The following COL6A6 variants were observed in gnomAD, a reference collection of about 807,000 sequenced individuals.
COL6A6 encodes the protein collagen alpha-6(VI) chain.
COL6A6 carries 183 observed loss-of-function variants against 208.6 expected under a neutral mutation model. That is an observed-to-expected ratio of 0.88 (90% CI 0.78 to 0.99). The LOEUF (loss-of-function observed/expected upper bound fraction) is 0.99, where lower values mean the gene tolerates loss of function less well. Ranked by LOEUF, COL6A6 falls within the 50% of genes least tolerant of loss-of-function variation. COL6A6 has a pLI of 0.00. For synonymous variants in COL6A6, 973 were observed against 1,011.8 expected (o/e 0.96, Z 0.73); for missense variants, 2,816 against 2,815.2 (o/e 1.00, Z -0.01).
At chr3:130,650,610 CA>C (rs3074296) in intron 33 of COL6A6, among the ~76,000 whole-genome samples, 37 of 127,910 alleles carry the variant, frequency 2.9e-4, no homozygotes, top group East Asian at 2.2e-4. Context: ...CCTCTGTCTC[CA>C]AAAAAAAAAA....
chr3:130,602,751 CTA>C (rs1482195856), intron 20 of COL6A6, among the ~76,000 whole-genome samples: 4 of 152,082 alleles, frequency 2.6e-5, no homozygotes, highest in African/African-American at 4.8e-5. Context: ...TAATAAAACA[CTA>C]TTTAGAATTT....
intron 1 of COL6A6, among the ~76,000 whole-genome samples, chr3:130,530,964 G>A (rs1237837756): frequency 2.0e-5 from 3 of 151,418 alleles, no homozygotes; most frequent in East Asian, 1.9e-4. Context: ...TCATAATTAC[G>A]TGAACCAATT....
chr3:130,609,092 A>T (rs2064274496), intron 22 of COL6A6, 128 bp downstream of exon 22: 1 of 693,234 alleles, frequency 1.4e-6, no homozygotes, highest in Non-Finnish European at 2.5e-6. Context: ...TCATGGTAAT[A>T]AAGTAAGGAA....
chr3:130,609,081 C>T, intron 22 of COL6A6, 117 bp downstream of exon 22: 1 of 743,130 alleles, frequency 1.3e-6, no homozygotes, highest in Admixed American at 2.6e-5. Flanking sequence ...GTTTAAAGTT[C>T]TCATGGTAAT....
chr3:130,617,989 G>T (rs2064585757), intron 23 of COL6A6, among the ~76,000 whole-genome samples: 1 of 152,124 alleles, frequency 6.6e-6, no homozygotes, highest in African/African-American at 2.4e-5. Flanking sequence ...AAGCAGTTGT[G>T]GTTGCCAAGG....
At chr3:130,607,175 C>T (rs2064208619) in intron 21 of COL6A6, among the ~76,000 whole-genome samples, 1 of 152,062 alleles carries the variant, frequency 6.6e-6, no homozygotes, top group African/African-American at 2.4e-5. Flanking sequence ...AAAATAATGG[C>T]CAGAGATGTA....
At chr3:130,619,535 G>A (rs1450891440) in intron 23 of COL6A6, among the ~76,000 whole-genome samples, 1 of 152,230 alleles carries the variant, frequency 6.6e-6, no homozygotes. Context: ...ACTTTATTCT[G>A]AAAGATATTC....
intron 23 of COL6A6, among the ~76,000 whole-genome samples, chr3:130,614,221 TATATTG>T (rs2108232106): frequency 6.6e-6 from 1 of 152,226 alleles, no homozygotes; most frequent in East Asian, 1.9e-4. Flanking sequence ...AACATGAAGG[TATATTG>T]AATTGTATCA....
rs2063237995 is a variant in COL6A6 at position 130,574,190 on chromosome 3, A to G, written c.3212A>G (p.Lys1071Arg). The G allele has an allele frequency of 1.9e-6, 3 of 1,614,040 alleles. No individual in the cohort carries two copies. The East Asian group carries it at 6.7e-5, about 36-fold the overall frequency. Residue 1071 changes from lysine (K) to arginine (R), a missense_variant, in exon 8 of 37, where the codon AAG (lysine) becomes AGG (arginine). Lys to Arg is a conservative substitution (Grantham distance 26, BLOSUM62 2). Transcript: ENST00000358511. ...KEISFQIENI[K>R]QIFGNTHIGA... is the part of the protein sequence containing the mutation. ...ATATCATTTCAGATTGAAAACATCAAGCAGATCTTTGGAAACACACACATC... is the reference window on the plus strand; with the variant it reads ...ATATCATTTCAGATTGAAAACATCAGGCAGATCTTTGGAAACACACACATC...
rs200101291 is a variant in COL6A6, at chr3:130,621,874, A to G, written c.4869A>G (p.Gln1623=). Residue 1623 remains glutamine, a synonymous_variant, in exon 24 of 37, where the codon CAA becomes CAG. Transcript: ENST00000358511. ...EAGNQGRLGS[Q]GNKGEPGDLG... ...GGAATCAAGGCCGTTTGGGAAGCCA[A>G]GGAAATAAAGTAGGTCACATTCTTT... 7 of 1,613,646 alleles carry G rather than the reference A, an allele frequency of 4.3e-6. No individual in the cohort carries two copies. In the African/African-American group the frequency reaches 6.7e-5, roughly 15 times the overall value.
chr3:130,623,295 T>G (rs1262968693), intron 24 of COL6A6, among the ~76,000 whole-genome samples: 1 of 151,994 alleles, frequency 6.6e-6, no homozygotes. Flanking sequence ...CTGTCTCTAC[T>G]AAAAATACAA....
intron 1 of COL6A6, among the ~76,000 whole-genome samples, chr3:130,523,460 T>C (rs1176624703): frequency 5.3e-5 from 8 of 152,196 alleles, no homozygotes; most frequent in Admixed American, 1.3e-4. Context: ...TCAGGTTCCT[T>C]ACTAGCTGAT....
chr3:130,665,147 T>C, intron 36 of COL6A6, 51 bp downstream of exon 36: 3 of 1,272,518 alleles, frequency 2.4e-6, no homozygotes, highest in Non-Finnish European at 2.2e-6. Flanking sequence ...CCTGCCTTTC[T>C]TCTATTTTCC....
At chr3:130,531,673 G>C (rs1457146267) in intron 1 of COL6A6, among the ~76,000 whole-genome samples, 1 of 152,176 alleles carries the variant, frequency 6.6e-6, no homozygotes, top group African/African-American at 2.4e-5. Flanking sequence ...TCATAGGCCT[G>C]TGCTTTGTCC....
At chr3:130,554,227 T>C (rs887264393) in intron 1 of COL6A6, among the ~76,000 whole-genome samples, 1 of 152,148 alleles carries the variant, frequency 6.6e-6, no homozygotes, top group Non-Finnish European at 1.5e-5. Flanking sequence ...TCTTGGCTGG[T>C]ATAGGGGTGC....
intron 32 of COL6A6, among the ~76,000 whole-genome samples, chr3:130,648,307 A>G (rs1240241114): frequency 2.0e-5 from 3 of 152,358 alleles, no homozygotes; most frequent in South Asian, 2.1e-4. Context: ...ATTTCTCACA[A>G]TGAAAAAGTC....
At chr3:130,596,623 T>C (rs2063858515) in intron 18 of COL6A6, among the ~76,000 whole-genome samples, 2 of 152,208 alleles carry the variant, frequency 1.3e-5, no homozygotes, top group Non-Finnish European at 2.9e-5. Context: ...TTTATTCAGA[T>C]AGGATTTATG....
At position 130,568,599 on chromosome 3, in the gene COL6A6, G is replaced by T. The variant is rs373377669; in HGVS notation, c.2396G>T (p.Arg799Leu). 9.2e-4 allele frequency: 1,462 copies of T among 1,594,986 alleles called. 19 individuals carry two copies. In the South Asian group the frequency reaches 0.016, roughly 17 times the overall value. Residue 799 changes from arginine to leucine, a missense_variant, in exon 6 of 37, where the codon CGT becomes CTT. By Grantham distance (102) the Arg-to-Leu change is moderately radical. Transcript: ENST00000358511. ...DDLVFGICSP[R>L]EECKRIEVLD... ...CTTGTTTTTGGAATATGCAGCCCCC[G>T]TGAAGGTAGGCATGGGCATACTCAC...
chr3:130,664,886 T>G (rs769839203), intron 35 of COL6A6, 117 bp from the exon 36 acceptor site: 1 of 665,646 alleles, frequency 1.5e-6, no homozygotes, highest in African/African-American at 1.9e-5. Context: ...ATCACCTTAG[T>G]TGGTATTTTT....
Sources: allele counts gnomAD v4.1 joint callset (sites outside exome capture counted in the v4.1 genomes callset), GRCh38; gene constraint gnomAD v4.1.1; transcripts MANE v1.5; gene names NCBI Gene and HGNC (gene_info 2026-07-23, HGNC 2026-07-21).